Variants in OS9 observed in about 807,000 individuals in gnomAD.
The protein encoded by OS9 is OS9 endoplasmic reticulum lectin, also known as protein OS-9.
A neutral mutation model predicts 84.7 loss-of-function variants in OS9; 58 were observed. The observed-to-expected ratio is 0.68, with a 90% CI of 0.55 to 0.85. The LOEUF (loss-of-function observed/expected upper bound fraction) is 0.85, where lower values mean the gene tolerates loss of function less well. Among genes scored for constraint, OS9 ranks in the 40% least tolerant of loss-of-function variants. The pLI is 0.00. For synonymous variants in OS9, 278 were observed against 320.8 expected (o/e 0.87, Z 1.43); for missense variants, 760 against 850.9 (o/e 0.89, Z 1.33).
chr12:57,696,653 G>A (rs951483169), intron 5 of OS9, among the ~76,000 whole-genome samples: 39 of 151,996 alleles, frequency 2.6e-4, no homozygotes, highest in Admixed American at 2.2e-3. Context: ...AAAATTAGCC[G>A]GGCGTGGTAG....
chr12:57,697,919 A>AACCT, intron 5 of OS9, among the ~76,000 whole-genome samples: 1 of 63,112 alleles, frequency 1.6e-5, no homozygotes, highest in Admixed American at 1.9e-4. Context: ...ACACACACAC[A>AACCT]CACATACACA....
In OS9 at chr12:57,696,457, CGGG is replaced by C. The variant is rs1383404550; in HGVS notation, c.579+87_579+89del. The C allele has an allele frequency of 1.6e-4, 9 of 56,886 alleles. 1 individual carries two copies. The highest frequency in any genetic ancestry group is 4.2e-4 in the South Asian group (1 of 2,360). 3.5% of individuals were successfully genotyped at this position (56,886 alleles called of 1,614,324 possible). On this transcript the variant is annotated intron_variant, in intron 5 of 14. Coordinates refer to ENST00000315970, the MANE Select transcript of OS9 (RefSeq NM_006812.4). Reference sequence around the variant, plus strand: ...AGAGGGTTGCATCTTATAGTCGGGGCGGGGGCGGGGGGGGTCCCCTCCCAGACC... The same window carrying C: ...AGAGGGTTGCATCTTATAGTCGGGGCGGCGGGGGGGGTCCCCTCCCAGACC...
intron 5 of OS9, among the ~76,000 whole-genome samples, chr12:57,715,133 GT>G (rs1954446702): frequency 6.6e-6 from 1 of 152,136 alleles, no homozygotes; most frequent in Admixed American, 6.5e-5. Flanking sequence ...GGAGGCCAAG[GT>G]GGGTGGATCA....
intron 5 of OS9, among the ~76,000 whole-genome samples, chr12:57,707,843 C>T (rs1490225558): frequency 2.0e-5 from 3 of 151,678 alleles, no homozygotes; most frequent in African/African-American, 7.3e-5. Context: ...ATAATCCTAG[C>T]ATTTTGGGAG....
chr12:57,703,730 G>C (rs1954088659), intron 5 of OS9, among the ~76,000 whole-genome samples: 1 of 150,928 alleles, frequency 6.6e-6, no homozygotes, highest in African/African-American at 2.4e-5. Context: ...ATGGATATTT[G>C]GGATCCCTGG....
chr12:57,694,355 C>T, intron 1 of OS9, 32 bp downstream of exon 1: 1 of 1,610,534 alleles, frequency 6.2e-7, no homozygotes, highest in Non-Finnish European at 8.5e-7. Flanking sequence ...AGGGTCTGGG[C>T]AGAAGAGGAA....
rs928703573 is a variant in OS9, at chr12:57,705,713, C to T, written c.579+9340C>T. 9.2e-5 allele frequency among the ~76,000 whole-genome samples: 14 copies of T among 151,886 alleles called. 1 individual carries two copies. The highest frequency in any genetic ancestry group is 7.8e-4 in the East Asian group (4 of 5,144). ...GCTAATTATTGTAATTTTTTTAGAG[C>T]GGGGGTTTTGTCATATTGGCCAGGC... On this transcript the variant is annotated intron_variant, in intron 5 of 14. Transcript: ENST00000315970.
intron 2 of OS9, 30 bp downstream of exon 2, chr12:57,694,956 G>A (rs1196704030): frequency 4.4e-6 from 7 of 1,606,264 alleles, no homozygotes; most frequent in Non-Finnish European, 5.1e-6. Flanking sequence ...ATAGAATGAG[G>A]GCTTGGAAAC....
chr12:57,719,299 C>T, intron 12 of OS9, 117 bp downstream of exon 12: 1 of 788,912 alleles, frequency 1.3e-6, no homozygotes, highest in East Asian at 2.6e-5. Flanking sequence ...TCTCTCCCCA[C>T]TTTCTGGAAC....
At chr12:57,716,014 C>A (rs893559848) in intron 6 of OS9, 44 bp downstream of exon 6, 2 of 1,597,980 alleles carry the variant, frequency 1.3e-6, no homozygotes, top group Non-Finnish European at 1.7e-6. Flanking sequence ...GATACGGGGG[C>A]AGGGGGTGGC....
intron 12 of OS9, chr12:57,719,465 G>A: frequency 2.4e-6 from 1 of 408,644 alleles, no homozygotes; most frequent in Non-Finnish European, 4.4e-6. Context: ...GCACACAATG[G>A]ATGATCAGTA....
At chr12:57,718,053 C>T (rs1373261366) in intron 10 of OS9, 93 bp from the exon 11 acceptor site, 3 of 1,518,812 alleles carry the variant, frequency 2.0e-6, no homozygotes, top group African/African-American at 2.8e-5. Flanking sequence ...CTGGGTCCCC[C>T]AGTACCACAC....
chr12:57,694,469 C>A, intron 1 of OS9, 146 bp downstream of exon 1: 1 of 905,296 alleles, frequency 1.1e-6, no homozygotes, highest in Non-Finnish European at 1.7e-6. Context: ...CCCTGGGGGT[C>A]GCAGACTGAG....
In OS9 at chr12:57,695,637, GGAGAATTGAGAGTGGAAGTGAAGGGAA is replaced by G. The variant is rs543518451; in HGVS notation, c.340-132_340-106del. 231 of 728,964 alleles carry G rather than the reference GGAGAATTGAGAGTGGAAGTGAAGGGAA, an allele frequency of 3.2e-4. No homozygotes were observed. In the African/African-American group the frequency reaches 3.5e-3, roughly 11 times the overall value. 45.2% of individuals were successfully genotyped at this position (728,964 alleles called of 1,614,324 possible). On this transcript the variant is annotated intron_variant, in intron 2 of 14. Coordinates refer to ENST00000315970, the MANE Select transcript of OS9 (RefSeq NM_006812.4). ...AGCCCTCCCTCCTTACTGAAAGTCT[GGAGAATTGAGAGTGGAAGTGAAGGGAA>G]GAGAATTGAGTGTGTAAGTAGATGA...
intron 5 of OS9, among the ~76,000 whole-genome samples, chr12:57,711,583 G>T (rs1222568961): frequency 6.6e-6 from 1 of 152,078 alleles, no homozygotes; most frequent in Non-Finnish European, 1.5e-5. Flanking sequence ...TTGACCTCGT[G>T]ATCTGCCCTC....
At position 57,720,952 on chromosome 12, in the gene OS9, C is replaced by A; in HGVS notation, c.*43C>A. On this transcript the variant is annotated 3_prime_UTR_variant, in exon 15 of 15. Transcript: ENST00000315970. ...ACCCTTCACGGAATCCAGACTCTTC[C>A]TGGACTGGCTTGCCTCCTCCCCACC... The A allele has an allele frequency of 6.2e-7, 1 of 1,611,994 alleles. No homozygotes were observed. Among genetic ancestry groups the A allele is most frequent in the South Asian group, 1.1e-5 (1 of 90,884 alleles).
intron 12 of OS9, chr12:57,719,624 T>C (rs1210457821): frequency 5.2e-6 from 1 of 193,762 alleles, no homozygotes; most frequent in Non-Finnish European, 1.1e-5. Flanking sequence ...TTTCTTCTTC[T>C]TGTATCCCCT....
At chr12:57,706,237 C>T (rs1376025575) in intron 5 of OS9, among the ~76,000 whole-genome samples, 1 of 151,882 alleles carries the variant, frequency 6.6e-6, no homozygotes, top group Non-Finnish European at 1.5e-5. Context: ...TTAACACATG[C>T]TTATTCTGTG....
In OS9 at chr12:57,719,299, C is replaced by G. The variant is rs988401360; in HGVS notation, c.1600+117C>G. 7.6e-6 allele frequency: 6 copies of G among 788,912 alleles called. No individual in the cohort carries two copies. In the Admixed American group the frequency reaches 1.4e-4, roughly 18 times the overall value. 48.9% of individuals were successfully genotyped at this position (788,912 alleles called of 1,614,324 possible). On this transcript the variant is annotated intron_variant, in intron 12 of 14. Coordinates refer to ENST00000315970, the MANE Select transcript of OS9 (RefSeq NM_006812.4). ...TCTGAGGGTGCTCATTCTCTCCCCA[C>G]TTTCTGGAACACTGTCCTCACTTGC...
Sources: gnomAD v4.1 joint callset for allele counts (sites outside exome capture counted in the v4.1 genomes callset) on GRCh38, gnomAD v4.1.1 for gene constraint, MANE v1.5 for transcripts, NCBI Gene and HGNC (gene_info 2026-07-23, HGNC 2026-07-21) for gene names.